KIF6: variants seen among roughly 807,000 people sequenced by gnomAD.
KIF6 encodes the protein kinesin family member 6.
A neutral mutation model predicts 112.7 loss-of-function variants in KIF6; 106 were observed. The observed-to-expected ratio is 0.94, with a 90% CI of 0.80 to 1.11. KIF6 has a LOEUF of 1.11. Among genes scored for constraint, KIF6 ranks in the 50% least tolerant of loss-of-function variants. The pLI, the probability that KIF6 is intolerant of heterozygous loss-of-function variation, is 0.00. For missense variants in KIF6, 929 were observed against 964.0 expected (o/e 0.96, Z 0.48); for synonymous variants, 339 against 339.9 (o/e 1.00, Z 0.03).
At chr6:39,578,805 T>C (rs1781128472) in intron 9 of KIF6, among the ~76,000 whole-genome samples, 1 of 152,336 alleles carries the variant, frequency 6.6e-6, no homozygotes, top group African/African-American at 2.4e-5. Context: ...AATAATGTAG[T>C]GTATCATTTT....
chr6:39,411,588 TATTGTGTGC>T (rs1769479363), intron 15 of KIF6, among the ~76,000 whole-genome samples: 2 of 151,920 alleles, frequency 1.3e-5, no homozygotes, highest in Non-Finnish European at 2.9e-5. Context: ...GTGAAAGAGG[TATTGTGTGC>T]AGAAGGAGGC....
chr6:39,454,470 C>T (rs1369316150), intron 13 of KIF6, among the ~76,000 whole-genome samples: 1 of 149,134 alleles, frequency 6.7e-6, no homozygotes, highest in African/African-American at 2.5e-5. Flanking sequence ...ACAATAAATC[C>T]TGATCAGGAA....
intron 13 of KIF6, among the ~76,000 whole-genome samples, chr6:39,461,939 A>G (rs775573803): frequency 6.6e-6 from 1 of 152,182 alleles, no homozygotes; most frequent in Non-Finnish European, 1.5e-5. Context: ...GTTGTATGTA[A>G]TAGAGACTTT....
At chr6:39,516,644 A>C (rs1481758871) in intron 13 of KIF6, among the ~76,000 whole-genome samples, 1 of 152,052 alleles carries the variant, frequency 6.6e-6, no homozygotes, top group Non-Finnish European at 1.5e-5. Context: ...TAAAGTTTTA[A>C]TTTTTTTAAA....
chr6:39,679,586 T>C (rs1787378532), intron 3 of KIF6, among the ~76,000 whole-genome samples: 1 of 151,640 alleles, frequency 6.6e-6, no homozygotes, highest in Non-Finnish European at 1.5e-5. Context: ...AATGCATAGA[T>C]AATACATGGC....
At chr6:39,666,357 T>A (rs949740564) in intron 3 of KIF6, among the ~76,000 whole-genome samples, 1 of 152,190 alleles carries the variant, frequency 6.6e-6, no homozygotes, top group Non-Finnish European at 1.5e-5. Context: ...AACAAGCATA[T>A]CAGTTCTAGA....
chr6:39,484,540 G>A (rs1442589899), intron 13 of KIF6, among the ~76,000 whole-genome samples: 1 of 152,170 alleles, frequency 6.6e-6, no homozygotes, highest in Non-Finnish European at 1.5e-5. Flanking sequence ...GGCGGGAGAT[G>A]GAGTAAAAGA....
In KIF6 at chr6:39,506,552, G is replaced by A. The variant is rs551720438; in HGVS notation, c.1645+33451C>T. 5.9e-5 allele frequency among the ~76,000 whole-genome samples: 9 copies of A among 152,214 alleles called. No individual in the cohort carries two copies. The South Asian group carries it at 1.0e-3, about 18-fold the overall frequency. ...TAAAAAAAAACCAAATGTATATTTG[G>A]TCTCTGCCCCTGGTTCCTGACACAG... On this transcript the variant is annotated intron_variant, in intron 13 of 22. Transcript: ENST00000287152.
At chr6:39,482,006 G>GCA (rs143093562) in intron 13 of KIF6, among the ~76,000 whole-genome samples, 19,095 of 141,046 alleles carry the variant, frequency 0.14, 1,523 homozygotes, top group African/African-American at 0.24. Context: ...GGACCTTTAG[G>GCA]CACACACACA....
intron 17 of KIF6, among the ~76,000 whole-genome samples, chr6:39,361,774 G>A (rs1184916557): frequency 1.3e-5 from 2 of 150,936 alleles, no homozygotes; most frequent in Non-Finnish European, 2.9e-5. Context: ...CTGGGTGTGC[G>A]TCGGGGGGCA....
chr6:39,530,483 T>G (rs777965986), intron 13 of KIF6, among the ~76,000 whole-genome samples: 2 of 152,192 alleles, frequency 1.3e-5, no homozygotes, highest in Non-Finnish European at 2.9e-5. Flanking sequence ...AGCGGAACAA[T>G]CTCTCTCATT....
At chr6:39,678,946 C>T (rs1401261643) in intron 3 of KIF6, among the ~76,000 whole-genome samples, 5 of 152,244 alleles carry the variant, frequency 3.3e-5, no homozygotes, top group African/African-American at 9.6e-5. Flanking sequence ...AGCAGTATTT[C>T]CTCCTAGACA....
At chr6:39,613,388 G>A in intron 5 of KIF6, 70 bp from the exon 6 acceptor site, 1 of 1,306,030 alleles carries the variant, frequency 7.7e-7, no homozygotes, top group African/African-American at 1.5e-5. Context: ...TTCCCTACAG[G>A]CTTTTAAAAA....
chr6:39,516,296 A>G (rs1344113631), intron 13 of KIF6, among the ~76,000 whole-genome samples: 2 of 151,260 alleles, frequency 1.3e-5, no homozygotes, highest in Non-Finnish European at 2.9e-5. Flanking sequence ...ACATGTTTCA[A>G]TGGATATATA....
At chr6:39,653,612 G>A (rs956670586) in intron 3 of KIF6, among the ~76,000 whole-genome samples, 11 of 152,112 alleles carry the variant, frequency 7.2e-5, no homozygotes, top group Non-Finnish European at 1.5e-4. Flanking sequence ...GGACCAAAAA[G>A]GGATTGCAAC....
chr6:39,700,065 G>C (rs146164787), intron 3 of KIF6, among the ~76,000 whole-genome samples: 187 of 152,204 alleles, frequency 1.2e-3, no homozygotes, highest in African/African-American at 4.4e-3. Context: ...GATACATATG[G>C]CTATACAGCC....
At chr6:39,560,955 C>T (rs1779976706) in intron 10 of KIF6, among the ~76,000 whole-genome samples, 3 of 152,192 alleles carry the variant, frequency 2.0e-5, no homozygotes, top group Admixed American at 1.3e-4. Flanking sequence ...ATAGCTAAAG[C>T]AATGAAAATA....
intron 22 of KIF6, among the ~76,000 whole-genome samples, 178 bp from the exon 23 acceptor site, chr6:39,336,726 C>T (rs979375688): frequency 2.6e-5 from 4 of 152,168 alleles, no homozygotes; most frequent in African/African-American, 9.7e-5. Flanking sequence ...AAGAGGCCCC[C>T]TTTGCCCTTT....
chr6:39,471,202 G>T (rs1201799599), intron 13 of KIF6, among the ~76,000 whole-genome samples: 2 of 152,116 alleles, frequency 1.3e-5, no homozygotes, highest in Non-Finnish European at 2.9e-5. Context: ...TCCTGAGGCA[G>T]CCTCTCTAGC....
Sources: allele counts gnomAD v4.1 joint callset (sites outside exome capture counted in the v4.1 genomes callset), GRCh38; gene constraint gnomAD v4.1.1; transcripts MANE v1.5; gene names NCBI Gene and HGNC (gene_info 2026-07-23, HGNC 2026-07-21).